FRYL: variants seen among roughly 807,000 people sequenced by gnomAD.
FRYL encodes protein furry homolog-like.
In FRYL, 150 loss-of-function variants were observed where a neutral mutation model predicts 351.2. That is an observed-to-expected ratio of 0.43 (90% CI 0.37 to 0.49). FRYL has a LOEUF of 0.49. Ranked by LOEUF, FRYL falls within the 20% of genes least tolerant of loss-of-function variation. FRYL has a pLI of 0.00. For synonymous variants in FRYL, 1,153 were observed against 1,257.1 expected, an observed-to-expected ratio of 0.92 and a Z score of 1.75; for missense variants, 3,036 against 3,619.3, an observed-to-expected ratio of 0.84 and a Z score of 4.13.
At chr4:48,671,962 T>G (rs1762837379) in intron 3 of FRYL, among the ~76,000 whole-genome samples, 1 of 150,602 alleles carries the variant, frequency 6.6e-6, no homozygotes, top group African/African-American at 2.4e-5. Context: ...TGCTAAAATT[T>G]TCAGGAATTA....
chr4:48,684,356 A>G (rs548663026), intron 3 of FRYL, among the ~76,000 whole-genome samples: 1 of 152,296 alleles, frequency 6.6e-6, no homozygotes, highest in African/African-American at 2.4e-5. Flanking sequence ...CTGCTTCCTA[A>G]GCCCCCTCGT....
intron 3 of FRYL, among the ~76,000 whole-genome samples, chr4:48,671,560 G>A (rs1419239264): frequency 2.0e-5 from 3 of 152,030 alleles, no homozygotes; most frequent in Non-Finnish European, 4.4e-5. Context: ...CCAGCTACTC[G>A]GGAGGCTGAG....
intron 1 of FRYL, among the ~76,000 whole-genome samples, chr4:48,777,100 T>G (rs1776104127): frequency 6.6e-6 from 1 of 152,208 alleles, no homozygotes; most frequent in Admixed American, 6.5e-5. Context: ...TTTATCTCCA[T>G]AAATACTCTG....
chr4:48,528,696 A>G (rs1422472088), intron 50 of FRYL, among the ~76,000 whole-genome samples: 4 of 152,172 alleles, frequency 2.6e-5, no homozygotes, highest in African/African-American at 9.6e-5. Flanking sequence ...ATATCAAATC[A>G]TCTGTTTTCT....
In FRYL at chr4:48,774,082, G is replaced by C. The variant is rs960840309; in HGVS notation, c.-384+5996C>G. Reference sequence around the variant, plus strand: ...ATGTTATTTTTTATTTATATAGAATGTCCAAAATAGGCAAATATAGAAACA... The same window carrying C: ...ATGTTATTTTTTATTTATATAGAATCTCCAAAATAGGCAAATATAGAAACA... On this transcript the variant is annotated intron_variant, in intron 1 of 63. Transcript: ENST00000358350. Among the ~76,000 whole-genome samples the C allele has an allele frequency of 1.4e-4, 21 of 152,088 alleles. 1 individual carries two copies. The highest frequency in any genetic ancestry group is 1.2e-3 in the Admixed American group (18 of 15,252).
At chr4:48,730,927 T>C (rs543986547) in intron 1 of FRYL, among the ~76,000 whole-genome samples, 5 of 152,022 alleles carry the variant, frequency 3.3e-5, no homozygotes, top group East Asian at 3.9e-4. Flanking sequence ...GACTGGCAAA[T>C]TGGATAAAGA....
intron 2 of FRYL, among the ~76,000 whole-genome samples, chr4:48,702,622 G>A (rs1435402046): frequency 6.6e-6 from 1 of 151,232 alleles, no homozygotes; most frequent in African/African-American, 2.4e-5. Flanking sequence ...AATTAGCCGG[G>A]CATGGTGGTG....
At chr4:48,749,209 A>C (rs561665449) in intron 1 of FRYL, among the ~76,000 whole-genome samples, 1 of 152,158 alleles carries the variant, frequency 6.6e-6, no homozygotes, top group African/African-American at 2.4e-5. Flanking sequence ...TGAAAGAATC[A>C]CTCCGGCTAC....
intron 28 of FRYL, 84 bp from the exon 29 acceptor site, chr4:48,565,775 T>C (rs1265224458): frequency 3.7e-6 from 5 of 1,336,436 alleles, no homozygotes; most frequent in Non-Finnish European, 3.1e-6. Flanking sequence ...GAATGTGTAA[T>C]AGTGTAAAAA....
At chr4:48,547,528 A>G in intron 41 of FRYL, 56 bp downstream of exon 41, 1 of 1,011,388 alleles carries the variant, frequency 9.9e-7, no homozygotes, top group Non-Finnish European at 1.4e-6. Context: ...CTAATGCAGG[A>G]TTCCAAATTA....
In FRYL at chr4:48,547,628, A is replaced by C; in HGVS notation, c.5030T>G (p.Val1677Gly). The change falls in exon 41 of 64, where the codon GTG (valine) becomes GGG (glycine). Residue 1677 changes from valine (V) to glycine (G), a missense_variant. Physicochemically the swap from Val to Gly is moderately radical, Grantham distance 109. Transcript: ENST00000358350. ...GTGTGCAACTTGTTTGACTGTAAGC[A>C]CCCTGGGCTCATTAAACTCCTTGTT... ...LRNKEFNEPR[V>G]LTVKQVAHLD... is the part of the protein sequence containing the mutation. 1 of 1,601,100 alleles carries C rather than the reference A, an allele frequency of 6.2e-7. No individual in the cohort carries two copies. The highest frequency in any genetic ancestry group is 1.7e-4 in the Middle Eastern group (1 of 6,004).
rs767336971 is a variant in FRYL, at chr4:48,582,521, C to T, written c.1962G>A (p.Met654Ile). The change falls in exon 20 of 64, where the codon ATG (methionine) becomes ATA (isoleucine). Residue 654 changes from methionine (M) to isoleucine (I), a missense_variant. Physicochemically the swap from Met to Ile is conservative, Grantham distance 10. Coordinates refer to ENST00000358350, the MANE Select transcript of FRYL (RefSeq NM_015030.2). ...LINQWKQAAQ[M>I]HNKNQDTQHG... ...CCTGAGTGTCCTGGTTTTTATTATG[C>T]ATTTGGGCTGCTTGTTTCCACTGAT... 2 of 1,613,100 alleles carry T rather than the reference C, an allele frequency of 1.2e-6. No homozygotes were observed. Among genetic ancestry groups the T allele is most frequent in the South Asian group, 1.1e-5 (1 of 91,042 alleles).
chr4:48,707,061 G>A (rs1767445486), intron 2 of FRYL, among the ~76,000 whole-genome samples: 1 of 152,148 alleles, frequency 6.6e-6, no homozygotes, highest in African/African-American at 2.4e-5. Context: ...TAATGTCACT[G>A]TGTTAAGCCA....
intron 1 of FRYL, among the ~76,000 whole-genome samples, chr4:48,734,765 G>GC (rs1771119065): frequency 6.6e-6 from 1 of 152,128 alleles, no homozygotes; most frequent in Non-Finnish European, 1.5e-5. Flanking sequence ...CATATGGCTA[G>GC]CCAGTTTTCC....
chr4:48,661,657 A>C (rs1760743044), intron 3 of FRYL, among the ~76,000 whole-genome samples: 1 of 152,248 alleles, frequency 6.6e-6, no homozygotes. Context: ...TCTTTAAAAT[A>C]ATGTGACAAA....
intron 3 of FRYL, 131 bp from the exon 4 acceptor site, chr4:48,634,621 C>A: frequency 3.5e-6 from 2 of 573,060 alleles, no homozygotes; most frequent in Non-Finnish European, 6.0e-6. Flanking sequence ...TACCATAATC[C>A]ATTTTGTCTA....
At chr4:48,584,279 T>G (rs1741610566) in intron 19 of FRYL, among the ~76,000 whole-genome samples, 1 of 152,176 alleles carries the variant, frequency 6.6e-6, no homozygotes, top group African/African-American at 2.4e-5. Context: ...ATTATATGCT[T>G]GGGAAGCTGG....
rs1271750052 is a variant in FRYL, at chr4:48,568,273, T to C, written c.2997-853A>G. ...TCAAGGAAGAAAGATGTATCTGCAATGAGGTTTTCTTTGAGGCAAGGGATC... is the reference window on the plus strand; with the variant it reads ...TCAAGGAAGAAAGATGTATCTGCAACGAGGTTTTCTTTGAGGCAAGGGATC... On this transcript the variant is annotated intron_variant, in intron 27 of 63. Coordinates refer to ENST00000358350, the MANE Select transcript of FRYL (RefSeq NM_015030.2). 5.3e-5 allele frequency among the ~76,000 whole-genome samples: 8 copies of C among 152,296 alleles called. No homozygotes were observed. In the East Asian group the frequency reaches 1.5e-3, roughly 29 times the overall value.
chr4:48,540,601 T>G lies in FRYL; in HGVS notation c.6047A>C (p.Glu2016Ala). ...IAASLLESDYEYEYLLALRLL... is the reference protein window; with the variant it reads ...IAASLLESDYAYEYLLALRLL... ...CCTGAGAGCCAGGAGGTATTCATAT[T>G]CATAATCTGATTCTAATAAAGATGC... The change falls in exon 46 of 64, where the codon GAA becomes GCA. Residue 2016 changes from glutamate to alanine, a missense_variant. Glu to Ala is a moderately radical substitution (Grantham distance 107, BLOSUM62 -1). Transcript: ENST00000358350. 6.2e-7 allele frequency: 1 copy of G among 1,614,034 alleles called. No homozygotes were observed. The highest frequency in any genetic ancestry group is 8.5e-7 in the Non-Finnish European group (1 of 1,179,964).
Sources: allele counts gnomAD v4.1 joint callset (sites outside exome capture counted in the v4.1 genomes callset), GRCh38; gene constraint gnomAD v4.1.1; transcripts MANE v1.5; gene names NCBI Gene and HGNC (gene_info 2026-07-23, HGNC 2026-07-21).